ENAH: variants seen among roughly 807,000 people sequenced by gnomAD.
The protein encoded by ENAH is protein enabled homolog.
A neutral mutation model predicts 78.7 loss-of-function variants in ENAH; 23 were observed. The observed-to-expected ratio is 0.29, with a 90% confidence interval of 0.21 to 0.41. The LOEUF (loss-of-function observed/expected upper bound fraction) is 0.41, where lower values mean the gene tolerates loss of function less well. Ranked by LOEUF, ENAH falls within the 10% of genes least tolerant of loss-of-function variation. ENAH has a pLI of 1.00. For missense variants in ENAH, 544 were observed against 691.0 expected, an observed-to-expected ratio of 0.79 and a Z score of 2.39; for synonymous variants, 226 against 241.0, an observed-to-expected ratio of 0.94 and a Z score of 0.58.
chr1:225,557,802 CAG>C (rs937083384), intron 2 of ENAH, among the ~76,000 whole-genome samples: 1 of 152,146 alleles, frequency 6.6e-6, no homozygotes, highest in African/African-American at 2.4e-5. Flanking sequence ...GCCTGGGCAA[CAG>C]AGTGACACTC....
At chr1:225,531,430 T>C (rs187840966) in intron 3 of ENAH, among the ~76,000 whole-genome samples, 105 of 152,242 alleles carry the variant, frequency 6.9e-4, no homozygotes, top group Non-Finnish European at 7.4e-4. Flanking sequence ...CTTAATGTCA[T>C]TGGATATAAA....
At chr1:225,509,118 A>ATGGTGT (rs1388438481) in intron 10 of ENAH, among the ~76,000 whole-genome samples, 1 of 152,152 alleles carries the variant, frequency 6.6e-6, no homozygotes, top group Non-Finnish European at 1.5e-5. Context: ...CAGCCTCTCA[A>ATGGTGT]TGACCGCCAC....
rs985602090 is a variant in ENAH at position 225,492,486 on chromosome 1, A to G, written c.*5289T>C. 4 of 152,216 alleles carry G rather than the reference A, an allele frequency of 2.6e-5. No individual in the cohort carries two copies. The highest frequency in any genetic ancestry group is 5.9e-5 in the Non-Finnish European group (4 of 68,070). 9.4% of individuals were successfully genotyped at this position (152,216 alleles called of 1,614,324 possible). ...GGCCCCTAATTTTCTCCCTCTGCCT[A>G]GAATTCCTGTGTCCTACACCAGAAG... On this transcript the variant is annotated 3_prime_UTR_variant, in exon 14 of 14. Transcript: ENST00000366843.
At chr1:225,550,341 C>T (rs2096635405) in intron 3 of ENAH, among the ~76,000 whole-genome samples, 1 of 152,190 alleles carries the variant, frequency 6.6e-6, no homozygotes, top group South Asian at 2.1e-4. Context: ...TTTCTGGCAG[C>T]TGTAGCCCGA....
chr1:225,588,223 T>C (rs1032574282), intron 1 of ENAH, among the ~76,000 whole-genome samples: 4 of 152,186 alleles, frequency 2.6e-5, no homozygotes, highest in Admixed American at 6.5e-5. Flanking sequence ...AATGCATACA[T>C]AGGCAAGGCA....
intron 1 of ENAH, among the ~76,000 whole-genome samples, chr1:225,616,134 G>A (rs1309609524): frequency 6.6e-6 from 1 of 152,122 alleles, no homozygotes; most frequent in Non-Finnish European, 1.5e-5. Flanking sequence ...AAGGCAGCAT[G>A]CTGGTTAAGA....
At chr1:225,523,229 GT>G (rs1028162417) in intron 4 of ENAH, among the ~76,000 whole-genome samples, 2 of 150,088 alleles carry the variant, frequency 1.3e-5, no homozygotes, top group African/African-American at 2.5e-5. Context: ...TAGTAGTTGG[GT>G]TTTTTTTTAA....
At chr1:225,548,374 C>T (rs1003178722) in intron 3 of ENAH, among the ~76,000 whole-genome samples, 5 of 152,140 alleles carry the variant, frequency 3.3e-5, no homozygotes, top group African/African-American at 1.2e-4. Context: ...AGAGACAGAA[C>T]TAGAGTCTTT....
rs1558740911 is a variant in ENAH, at chr1:225,518,028, T to TA, written c.803-723dup. On this transcript the variant is annotated intron_variant, in intron 5 of 13. Transcript: ENST00000366843. ...TGGAAAGCAGCAGCAAAAGACAGGA[T>TA]AAAAAAGGAGAGAGAAAAAGGGAGC... The TA allele has an allele frequency of 4.7e-6, 7 of 1,499,830 alleles. No homozygotes were observed. The East Asian group carries it at 1.5e-4, about 32-fold the overall frequency. 92.9% of individuals were successfully genotyped at this position (1,499,830 alleles called of 1,614,324 possible).
chr1:225,491,967 G>C lies in ENAH; in HGVS notation c.*5808C>G, dbSNP rs577146020. On this transcript the variant is annotated 3_prime_UTR_variant, in exon 14 of 14. Coordinates refer to ENST00000366843, the MANE Select transcript of ENAH (RefSeq NM_018212.6). ...AATCAGATTTACATGATAAACTATGGGTTGTCATTTGTATATAGAACTTTT... is the reference window on the plus strand; with the variant it reads ...AATCAGATTTACATGATAAACTATGCGTTGTCATTTGTATATAGAACTTTT... The C allele has an allele frequency of 9.2e-5, 14 of 152,090 alleles. No homozygotes were observed. The highest frequency in any genetic ancestry group is 1.5e-4 in the Non-Finnish European group (10 of 68,022). 9.4% of individuals were successfully genotyped at this position (152,090 alleles called of 1,614,324 possible). A position where few individuals can be genotyped will look rare whatever the true frequency, so the allele number is the denominator to read the frequency against.
In ENAH at chr1:225,492,125, C is replaced by A. The variant is rs2150996754; in HGVS notation, c.*5650G>T. 6.6e-6 allele frequency: 1 copy of A among 151,276 alleles called. No homozygotes were observed. The highest frequency in any genetic ancestry group is 1.9e-4 in the East Asian group (1 of 5,162). The allele number at this position is 151,276 out of a possible 1,614,324, so 9.4% of individuals were successfully genotyped here. On this transcript the variant is annotated 3_prime_UTR_variant, in exon 14 of 14. Transcript: ENST00000366843. Reference sequence around the variant, plus strand: ...TTAGAGACAGGTTCTCGCTCTGTCACCCAGGCTGGAGTACAGTGGCATGAT... The same window carrying A: ...TTAGAGACAGGTTCTCGCTCTGTCAACCAGGCTGGAGTACAGTGGCATGAT...
At chr1:225,648,834 T>G (rs1198868973) in intron 1 of ENAH, among the ~76,000 whole-genome samples, 2 of 151,960 alleles carry the variant, frequency 1.3e-5, no homozygotes, top group East Asian at 3.9e-4. Context: ...GACCCTTGAT[T>G]GTACCACACT....
At chr1:225,560,517 T>C (rs2096697589) in intron 2 of ENAH, among the ~76,000 whole-genome samples, 1 of 152,144 alleles carries the variant, frequency 6.6e-6, no homozygotes, top group Non-Finnish European at 1.5e-5. Context: ...ATGCACATTT[T>C]ACCATAAGGC....
intron 5 of ENAH, 199 bp from the exon 6 acceptor site, chr1:225,517,505 G>C: frequency 6.4e-7 from 1 of 1,551,726 alleles, no homozygotes; most frequent in Non-Finnish European, 8.7e-7. Context: ...AGCCCATTGG[G>C]TGCTGTCGGT....
chr1:225,623,258 C>G (rs1309666290), intron 1 of ENAH, among the ~76,000 whole-genome samples: 2 of 151,926 alleles, frequency 1.3e-5, no homozygotes. Flanking sequence ...ATTATATTTC[C>G]CAATTTTTCT....
chr1:225,528,730 T>G (rs542335511), intron 4 of ENAH, among the ~76,000 whole-genome samples: 1 of 152,302 alleles, frequency 6.6e-6, no homozygotes, highest in East Asian at 1.9e-4. Flanking sequence ...GAATTCTTCC[T>G]TAGTCTCCTA....
chr1:225,650,842 T>G (rs1662832758), intron 1 of ENAH, among the ~76,000 whole-genome samples: 1 of 102,768 alleles, frequency 9.7e-6, no homozygotes, highest in Non-Finnish European at 1.8e-5. Flanking sequence ...AGAGCAAGAC[T>G]GCATTTAAAA....
At chr1:225,530,996 T>A (rs2096534948) in intron 3 of ENAH, 8 of 400,754 alleles carry the variant, frequency 2.0e-5, no homozygotes. Context: ...TAATTATTCA[T>A]GAAGTGGAGA....
intron 3 of ENAH, among the ~76,000 whole-genome samples, chr1:225,549,148 C>A (rs1028096614): frequency 6.6e-6 from 1 of 152,032 alleles, no homozygotes; most frequent in Admixed American, 6.5e-5. Flanking sequence ...CCGCACCTGG[C>A]CAAACAGATA....
Sources: gnomAD v4.1 joint callset for allele counts (sites outside exome capture counted in the v4.1 genomes callset) on GRCh38, gnomAD v4.1.1 for gene constraint, MANE v1.5 for transcripts, NCBI Gene and HGNC (gene_info 2026-07-23, HGNC 2026-07-21) for gene names.